Variants in KDM2A observed in about 807,000 individuals in gnomAD.
KDM2A encodes the protein lysine-specific demethylase 2A.
KDM2A carries 3 observed loss-of-function variants against 137.3 expected under a neutral mutation model. The ratio of observed to expected loss-of-function variants is 0.02; its 90% CI spans 0.01 to 0.06. The LOEUF is 0.06. Among genes scored for constraint, KDM2A ranks in the 10% least tolerant of loss-of-function variants. KDM2A has a pLI of 1.00. For missense variants in KDM2A, 738 were observed against 1,510.6 expected, an observed-to-expected ratio of 0.49 and a Z score of 8.48; for synonymous variants, 512 against 541.5, an observed-to-expected ratio of 0.95 and a Z score of 0.76.
intron 11 of KDM2A, among the ~76,000 whole-genome samples, chr11:67,229,181 C>A (rs1330563804): frequency 1.6e-4 from 25 of 152,208 alleles, no homozygotes; most frequent in Admixed American, 1.6e-3. Context: ...TTATTATCCT[C>A]ATTTTACAAA....
chr11:67,190,647 G>C (rs1294209747), intron 5 of KDM2A, among the ~76,000 whole-genome samples: 1 of 152,034 alleles, frequency 6.6e-6, no homozygotes, highest in African/African-American at 2.4e-5. Context: ...TGTAATCCCA[G>C]CTACTCAGGA....
intron 10 of KDM2A, 101 bp from the exon 11 acceptor site, chr11:67,227,936 C>G (rs1858598130): frequency 8.1e-7 from 1 of 1,233,788 alleles, no homozygotes; most frequent in Admixed American, 1.9e-5. Flanking sequence ...TGCAGGTTGA[C>G]TGGTGAGAGT....
intron 2 of KDM2A, among the ~76,000 whole-genome samples, chr11:67,123,973 G>A (rs552831999): frequency 6.6e-6 from 1 of 151,890 alleles, no homozygotes; most frequent in African/African-American, 2.4e-5. Context: ...CACTGGACCT[G>A]GACTTTTGGG....
intron 7 of KDM2A, 130 bp from the exon 8 acceptor site, chr11:67,215,726 T>C: frequency 1.3e-6 from 1 of 759,778 alleles, no homozygotes. Flanking sequence ...ATGCATTGCT[T>C]TTTCTCCTTC....
intron 2 of KDM2A, among the ~76,000 whole-genome samples, chr11:67,150,415 C>T (rs1160420288): frequency 6.6e-6 from 1 of 152,194 alleles, no homozygotes; most frequent in Non-Finnish European, 1.5e-5. Context: ...CTGCTTTCTG[C>T]ATATCATTGA....
At chr11:67,252,541 T>C in intron 17 of KDM2A, 153 bp from the exon 18 acceptor site, 1 of 846,788 alleles carries the variant, frequency 1.2e-6, no homozygotes, top group South Asian at 1.5e-5. Flanking sequence ...TTGCCTATTC[T>C]GTGAGGCAAA....
chr11:67,252,595 C>T, intron 17 of KDM2A, 99 bp from the exon 18 acceptor site: 1 of 1,314,068 alleles, frequency 7.6e-7, no homozygotes, highest in Non-Finnish European at 1.1e-6. Context: ...AAGAACGAGC[C>T]TCCAGGTACT....
At chr11:67,175,200 T>C (rs560988677) in intron 2 of KDM2A, among the ~76,000 whole-genome samples, 1 of 152,354 alleles carries the variant, frequency 6.6e-6, no homozygotes, top group East Asian at 1.9e-4. Flanking sequence ...AGATATGTTA[T>C]AGAAGCTTAC....
chr11:67,209,221 C>T (rs929701614), intron 6 of KDM2A, among the ~76,000 whole-genome samples: 2 of 151,860 alleles, frequency 1.3e-5, no homozygotes, highest in African/African-American at 4.8e-5. Flanking sequence ...GCATGAGCCA[C>T]CACACCGGGC....
chr11:67,138,126 A>G (rs1856009231), intron 2 of KDM2A, among the ~76,000 whole-genome samples: 1 of 152,162 alleles, frequency 6.6e-6, no homozygotes, highest in Non-Finnish European at 1.5e-5. Context: ...GACCACCGTC[A>G]CATATACAGT....
intron 2 of KDM2A, among the ~76,000 whole-genome samples, chr11:67,164,637 T>C (rs539186228): frequency 6.6e-6 from 1 of 152,152 alleles, no homozygotes; most frequent in East Asian, 1.9e-4. Flanking sequence ...TTTTTTTTTT[T>C]GGAAACGACA....
intron 13 of KDM2A, among the ~76,000 whole-genome samples, chr11:67,244,253 A>G (rs1359196781): frequency 6.6e-6 from 1 of 152,230 alleles, no homozygotes; most frequent in African/African-American, 2.4e-5. Flanking sequence ...AGTAGAAAAC[A>G]TGGTCCTTGT....
At position 67,217,772 on chromosome 11, in the gene KDM2A, G is replaced by A. The variant is rs868305626; in HGVS notation, c.729G>A (p.Leu243=). 14 of 1,613,766 alleles carry A rather than the reference G, an allele frequency of 8.7e-6. No homozygotes were observed. The Middle Eastern group carries it at 2.3e-3, about 266-fold the overall frequency. The change falls in exon 9 of 21, where the codon CTG becomes CTA. Residue 243 remains leucine (L), a synonymous_variant. Coordinates refer to ENST00000529006, the MANE Select transcript of KDM2A (RefSeq NM_012308.3). ...LIPPTAHNLE[L]YENWLLSGKQ... is the part of the protein sequence containing the mutation. ...CCCCTACAGCCCACAACCTGGAGCT[G>A]TACGAGAATTGGCTGCTGTCAGGGA...
intron 5 of KDM2A, among the ~76,000 whole-genome samples, chr11:67,202,972 G>T (rs1326312655): frequency 1.3e-5 from 2 of 150,008 alleles, no homozygotes; most frequent in Non-Finnish European, 3.0e-5. Context: ...TCCAGCCTGG[G>T]CAACAGAGCA....
intron 2 of KDM2A, among the ~76,000 whole-genome samples, chr11:67,169,759 C>CTCTCTCTCTCTCTCACT (rs756503460): frequency 1.1e-4 from 7 of 65,694 alleles, no homozygotes; most frequent in Admixed American, 4.5e-4. Context: ...CTCTCTCTCT[C>CTCTCTCTCTCTCTCACT]TTTTTTTTTT....
In KDM2A at chr11:67,255,324, T is replaced by TA; in HGVS notation, c.*270dup. 2.0e-6 allele frequency: 1 copy of TA among 502,720 alleles called. No individual in the cohort carries two copies. The highest frequency in any genetic ancestry group is 3.7e-6 in the Non-Finnish European group (1 of 271,430). The allele number at this position is 502,720 out of a possible 1,614,324, so 31.1% of individuals were successfully genotyped here. A position where few individuals can be genotyped will look rare whatever the true frequency, so the allele number is the denominator to read the frequency against. On this transcript the variant is annotated 3_prime_UTR_variant, in exon 21 of 21. Transcript: ENST00000529006. ...TGTGCTGTCGAGGCGCCTGCTCGCT[T>TA]ACTCGCCTGCCAGGAGGCCGGGCTC...
At chr11:67,164,478 T>G (rs193158955) in intron 2 of KDM2A, among the ~76,000 whole-genome samples, 118 of 151,912 alleles carry the variant, frequency 7.8e-4, no homozygotes, top group Non-Finnish European at 1.3e-3. Context: ...TTGGCCTTTT[T>G]TTGTTGTTGT....
intron 2 of KDM2A, among the ~76,000 whole-genome samples, chr11:67,173,749 G>C (rs1486115801): frequency 6.6e-6 from 1 of 151,980 alleles, no homozygotes; most frequent in Admixed American, 6.6e-5. Context: ...GTCTGGCTCT[G>C]CTGCCCAGAC....
At chr11:67,126,665 A>G (rs774061200) in intron 2 of KDM2A, among the ~76,000 whole-genome samples, 4 of 149,090 alleles carry the variant, frequency 2.7e-5, no homozygotes, top group Non-Finnish European at 5.9e-5. Context: ...CTGAGATCAC[A>G]CCACTGCACT....
Sources: gnomAD v4.1 joint callset for allele counts (sites outside exome capture counted in the v4.1 genomes callset) on GRCh38, gnomAD v4.1.1 for gene constraint, MANE v1.5 for transcripts, NCBI Gene and HGNC (gene_info 2026-07-23, HGNC 2026-07-21) for gene names.